The following EPB41L4B variants were observed in gnomAD, a reference collection of about 807,000 sequenced individuals.
The protein encoded by EPB41L4B is band 4.1-like protein 4B.
Under a neutral mutation model 112.5 loss-of-function variants are expected in EPB41L4B, and 30 were observed. The ratio of observed to expected loss-of-function variants is 0.27; its 90% confidence interval spans 0.20 to 0.36. EPB41L4B has a LOEUF of 0.36. Ranked by LOEUF, EPB41L4B falls within the 10% of genes least tolerant of loss-of-function variation. EPB41L4B has a pLI of 1.00. For synonymous variants in EPB41L4B, 408 were observed against 439.7 expected (o/e 0.93, Z 0.90); for missense variants, 1,024 against 1,133.3 (o/e 0.90, Z 1.38).
rs1317260906 is a variant in EPB41L4B, at chr9:109,174,460, A to C, written c.*94T>G. The C allele has an allele frequency of 8.2e-7, 1 of 1,221,562 alleles. No individual in the cohort carries two copies. Among genetic ancestry groups the C allele is most frequent in the Non-Finnish European group, 1.2e-6 (1 of 824,872 alleles). The allele number at this position is 1,221,562 out of a possible 1,614,324, so 75.7% of individuals were successfully genotyped here. On this transcript the variant is annotated 3_prime_UTR_variant, in exon 26 of 26. Coordinates refer to ENST00000374566, the MANE Select transcript of EPB41L4B (RefSeq NM_019114.5). ...GGAGACCTGGGCGAACAGAGCACAC[A>C]CTTGTATGCTGTGCTAGAGTGAGCA...
intron 18 of EPB41L4B, among the ~76,000 whole-genome samples, chr9:109,205,269 C>T (rs1832958205): frequency 1.3e-5 from 2 of 152,158 alleles, no homozygotes; most frequent in Admixed American, 1.3e-4. Context: ...TTTTTTCCTG[C>T]TTTCATGCCC....
intron 24 of EPB41L4B, 53 bp downstream of exon 24, chr9:109,182,676 A>G: frequency 7.4e-7 from 1 of 1,355,378 alleles, no homozygotes; most frequent in Non-Finnish European, 1.1e-6. Context: ...AGAAAAGCAC[A>G]CCGCATGGGA....
chr9:109,300,022 A>T lies in EPB41L4B; in HGVS notation c.307-20101T>A, dbSNP rs3793548. 3.3e-5 allele frequency among the ~76,000 whole-genome samples: 5 copies of T among 152,292 alleles called. No homozygotes were observed. In the East Asian group the frequency reaches 5.8e-4, roughly 18 times the overall value. ...CACAGTGAAGAAAGGCTTCCGAGTC[A>T]CAGAAGGAGGGAGGAGGCAGAGATA... On this transcript the variant is annotated intron_variant, in intron 1 of 25. Transcript: ENST00000374566.
Position 109,258,300 on chromosome 9 carries a change from G to GT in EPB41L4B, c.632-4dup, listed in dbSNP as rs768299734. 1.6e-5 allele frequency: 25 copies of GT among 1,610,448 alleles called. 2 individuals are homozygous for GT. The South Asian group carries it at 2.7e-4, about 17-fold the overall frequency. On this transcript the variant is annotated splice_polypyrimidine_tract_variant and splice_region_variant and intron_variant, in intron 6 of 25. Coordinates refer to ENST00000374566, the MANE Select transcript of EPB41L4B (RefSeq NM_019114.5). ...AAGCTCGCACTCCCCAAGCTCCGCTGTAAGTTTCATAAAAGGGAGGAAAAT... is the reference window on the plus strand; with the variant it reads ...AAGCTCGCACTCCCCAAGCTCCGCTGTTAAGTTTCATAAAAGGGAGGAAAAT...
At chr9:109,306,413 A>G (rs147966150) in intron 1 of EPB41L4B, among the ~76,000 whole-genome samples, 1 of 152,148 alleles carries the variant, frequency 6.6e-6, no homozygotes, top group Non-Finnish European at 1.5e-5. Flanking sequence ...CAGGAGTTTG[A>G]GACCAGCCTG....
intron 24 of EPB41L4B, among the ~76,000 whole-genome samples, chr9:109,180,596 A>T (rs1026274158): frequency 6.6e-6 from 1 of 152,090 alleles, no homozygotes; most frequent in African/African-American, 2.4e-5. Flanking sequence ...CCTGCTGGAC[A>T]CCTTCCCACC....
intron 1 of EPB41L4B, among the ~76,000 whole-genome samples, chr9:109,313,231 C>T (rs1053539182): frequency 6.6e-6 from 1 of 152,260 alleles, no homozygotes; most frequent in Admixed American, 6.5e-5. Context: ...CGATACCCCT[C>T]CCCCATGCTT....
intron 1 of EPB41L4B, among the ~76,000 whole-genome samples, chr9:109,318,799 T>A (rs1163376503): frequency 2.0e-5 from 3 of 152,178 alleles, no homozygotes; most frequent in Non-Finnish European, 4.4e-5. Context: ...CAAAAGGGTA[T>A]TTTCATAGCA....
chr9:109,252,615 T>C (rs1310808357), intron 12 of EPB41L4B, among the ~76,000 whole-genome samples: 4 of 152,254 alleles, frequency 2.6e-5, no homozygotes, highest in Non-Finnish European at 5.9e-5. Flanking sequence ...CCAAGTCCCA[T>C]GGAGGCCCAC....
Position 109,176,680 on chromosome 9 carries a change from C to T in EPB41L4B, c.2504G>A (p.Ser835Asn). ...CGGGCCAGGACAGCACTGTAATTTA[C>T]TGTCTCTGAAGTCTGCCTGGAGAAG... is the stretch of plus-strand genomic sequence containing the variant. Reference protein sequence around the residue: ...GPQFTADFRDSKLQCCPGPTS... With the variant: ...GPQFTADFRDNKLQCCPGPTS... Residue 835 changes from serine (S) to asparagine (N), a missense_variant, in exon 25 of 26, where the codon AGT becomes AAT. Physicochemically the swap from Ser to Asn is conservative, Grantham distance 46. Coordinates refer to ENST00000374566, the MANE Select transcript of EPB41L4B (RefSeq NM_019114.5). 2.5e-6 allele frequency: 4 copies of T among 1,613,080 alleles called. No individual in the cohort carries two copies. The highest frequency in any genetic ancestry group is 3.4e-6 in the Non-Finnish European group (4 of 1,179,780).
chr9:109,302,025 C>G (rs950523367), intron 1 of EPB41L4B, among the ~76,000 whole-genome samples: 2 of 152,222 alleles, frequency 1.3e-5, no homozygotes, highest in African/African-American at 4.8e-5. Flanking sequence ...TAAAGTGCAG[C>G]AAAACAACTA....
chr9:109,257,866 A>C (rs1391182945), intron 7 of EPB41L4B, among the ~76,000 whole-genome samples: 2 of 152,150 alleles, frequency 1.3e-5, no homozygotes, highest in Non-Finnish European at 2.9e-5. Context: ...ATGGTGGTAT[A>C]CGCCTATAAT....
intron 6 of EPB41L4B, 70 bp downstream of exon 6, chr9:109,262,980 G>A: frequency 9.3e-7 from 1 of 1,080,152 alleles, no homozygotes; most frequent in Non-Finnish European, 1.4e-6. Context: ...CTGGTATACT[G>A]TGGACACTCA....
intron 2 of EPB41L4B, among the ~76,000 whole-genome samples, chr9:109,273,378 C>A (rs1835697972): frequency 6.6e-6 from 1 of 152,144 alleles, no homozygotes; most frequent in Non-Finnish European, 1.5e-5. Flanking sequence ...TCCCGAGTAG[C>A]TGGGGTTACA....
chr9:109,200,814 T>A (rs570911043), intron 19 of EPB41L4B, among the ~76,000 whole-genome samples: 85 of 152,276 alleles, frequency 5.6e-4, no homozygotes, highest in African/African-American at 2.0e-3. Context: ...ATACTTTGTG[T>A]GAAAAATGCA....
At chr9:109,293,126 G>A (rs548978988) in intron 1 of EPB41L4B, among the ~76,000 whole-genome samples, 2 of 152,316 alleles carry the variant, frequency 1.3e-5, no homozygotes, top group East Asian at 3.9e-4. Flanking sequence ...AACCCATCAT[G>A]ACAAATGTGG....
intron 1 of EPB41L4B, among the ~76,000 whole-genome samples, chr9:109,317,287 T>C (rs1434779549): frequency 6.6e-6 from 1 of 152,170 alleles, no homozygotes; most frequent in East Asian, 1.9e-4. Flanking sequence ...ATCTCAAGTG[T>C]CAAAGTCTCC....
intron 1 of EPB41L4B, among the ~76,000 whole-genome samples, chr9:109,286,532 C>T (rs1836289456): frequency 6.6e-6 from 1 of 152,130 alleles, no homozygotes; most frequent in South Asian, 2.1e-4. Context: ...GTTACTGTGA[C>T]GAGCCTGGAA....
rs1199552411 is a variant in EPB41L4B, at chr9:109,256,334, T to C, written c.840+59A>G. The C allele has an allele frequency of 5.6e-6, 9 of 1,596,848 alleles. No homozygotes were observed. The East Asian group carries it at 8.9e-5, about 16-fold the overall frequency. On this transcript the variant is annotated intron_variant, in intron 8 of 25. Coordinates refer to ENST00000374566, the MANE Select transcript of EPB41L4B (RefSeq NM_019114.5). The stretch of plus-strand genomic sequence containing the variant: ...ACCACAAGTTATTTTGTTTGCATAA[T>C]GTTCATACATTTTTCAGTAACAGCA...
Sources: allele counts gnomAD v4.1 joint callset (sites outside exome capture counted in the v4.1 genomes callset), GRCh38; gene constraint gnomAD v4.1.1; transcripts MANE v1.5; gene names NCBI Gene and HGNC (gene_info 2026-07-23, HGNC 2026-07-21).